Variants in FIP1L1 observed in about 807,000 individuals in gnomAD.
FIP1L1 encodes factor interacting with PAPOLA and CPSF1, also known as pre-mRNA 3'-end-processing factor FIP1.
Under a neutral mutation model 84.6 loss-of-function variants are expected in FIP1L1, and 21 were observed. That is an observed-to-expected ratio of 0.25 (90% confidence interval 0.18 to 0.36). The LOEUF (loss-of-function observed/expected upper bound fraction) is 0.36. FIP1L1 is among the 10% of genes least tolerant of loss of function. The pLI, the probability that FIP1L1 is intolerant of heterozygous loss-of-function variation, is 1.00. For synonymous variants in FIP1L1, 263 were observed against 242.3 expected (o/e 1.09, Z -0.80); for missense variants, 526 against 751.1 (o/e 0.70, Z 3.50).
chr4:53,412,379 A>T (rs1443720970), intron 10 of FIP1L1, among the ~76,000 whole-genome samples: 12 of 152,110 alleles, frequency 7.9e-5, no homozygotes, highest in Non-Finnish European at 1.8e-4. Flanking sequence ...AATATCCTTT[A>T]TGGCAATGTT....
At chr4:53,438,419 A>G (rs1770433912) in intron 13 of FIP1L1, among the ~76,000 whole-genome samples, 1 of 152,246 alleles carries the variant, frequency 6.6e-6, no homozygotes, top group African/African-American at 2.4e-5. Flanking sequence ...GTTTGAAAAT[A>G]CATTCAGTAA....
Position 53,404,898 on chromosome 4 carries a change from C to G in FIP1L1, c.815+5059C>G, listed in dbSNP as rs1752408284. On this transcript the variant is annotated intron_variant, in intron 10 of 17. Coordinates refer to ENST00000337488, the MANE Select transcript of FIP1L1 (RefSeq NM_030917.4). ...AATTTGTTTGAGTTCATTGTAGATT[C>G]TGGATATTAGCCCTTTGTCAGATGA... Among the ~76,000 whole-genome samples the G allele has an allele frequency of 4.6e-5, 7 of 151,098 alleles. 1 individual carries two copies. The South Asian group carries it at 1.5e-3, about 31-fold the overall frequency.
At chr4:53,386,878 C>T (rs1482417961) in intron 5 of FIP1L1, among the ~76,000 whole-genome samples, 1 of 152,126 alleles carries the variant, frequency 6.6e-6, no homozygotes, top group East Asian at 1.9e-4. Flanking sequence ...TTTTTAGTTT[C>T]TGTCTCCAGT....
At chr4:53,395,377 C>T (rs1018449642) in intron 9 of FIP1L1, among the ~76,000 whole-genome samples, 28 of 152,294 alleles carry the variant, frequency 1.8e-4, no homozygotes, top group African/African-American at 6.7e-4. Context: ...CTCTCTTTCT[C>T]TTTTAATGTC....
chr4:53,456,354 A>C (rs763656311), intron 16 of FIP1L1, among the ~76,000 whole-genome samples: 1 of 152,132 alleles, frequency 6.6e-6, no homozygotes, highest in Non-Finnish European at 1.5e-5. Flanking sequence ...TTAATGTTTA[A>C]ACCACATTTG....
chr4:53,386,257 T>C (rs1471908845), intron 5 of FIP1L1, among the ~76,000 whole-genome samples: 1 of 152,212 alleles, frequency 6.6e-6, no homozygotes, highest in Non-Finnish European at 1.5e-5. Context: ...TGTGCCTTTA[T>C]CAAACCATCT....
chr4:53,394,174 C>CA (rs1491272988), intron 9 of FIP1L1, among the ~76,000 whole-genome samples: 6 of 152,134 alleles, frequency 3.9e-5, no homozygotes, highest in African/African-American at 1.2e-4. Context: ...CCTCCTCTCT[C>CA]AAAGGATATT....
chr4:53,390,000 G>A (rs9994692), intron 6 of FIP1L1, 127 bp downstream of exon 6: 85,461 of 646,574 alleles, frequency 0.13, 6,116 homozygotes, highest in Non-Finnish European at 0.15. Flanking sequence ...GTACAGTGGC[G>A]CAATCTTAGT....
intron 11 of FIP1L1, among the ~76,000 whole-genome samples, chr4:53,423,627 G>GTA (rs1490142348): frequency 5.3e-5 from 8 of 152,136 alleles, no homozygotes; most frequent in Non-Finnish European, 1.2e-4. Flanking sequence ...GAACAAAACG[G>GTA]TAAGCTTAAT....
intron 16 of FIP1L1, among the ~76,000 whole-genome samples, chr4:53,456,010 T>G (rs571145960): frequency 1.3e-5 from 2 of 152,244 alleles, no homozygotes; most frequent in Non-Finnish European, 2.9e-5. Context: ...TTTAGCCAAT[T>G]GGAAATGTGC....
Position 53,431,109 on chromosome 4 carries a change from TAAC to T in FIP1L1, c.1174+2927_1174+2929del, listed in dbSNP as rs1766455402. Among the ~76,000 whole-genome samples, 3 of 152,336 alleles carry T rather than the reference TAAC, an allele frequency of 2.0e-5. No homozygotes were observed. The East Asian group carries it at 5.8e-4, about 29-fold the overall frequency. ...TCCCTAATGTGTTTGCTAATTGAGT[TAAC>T]GACATATTTATGTATCCATAACACC... On this transcript the variant is annotated intron_variant, in intron 13 of 17. Coordinates refer to ENST00000337488, the MANE Select transcript of FIP1L1 (RefSeq NM_030917.4).
chr4:53,456,725 T>C (rs1450118480), intron 16 of FIP1L1, among the ~76,000 whole-genome samples: 1 of 152,088 alleles, frequency 6.6e-6, no homozygotes, highest in Non-Finnish European at 1.5e-5. Context: ...AGAGAAACCT[T>C]TGTGGTTCAG....
intron 15 of FIP1L1, among the ~76,000 whole-genome samples, chr4:53,452,414 G>T (rs1716626440): frequency 6.6e-6 from 1 of 151,986 alleles, no homozygotes; most frequent in Non-Finnish European, 1.5e-5. Context: ...CGCCTCCCGG[G>T]TTCAAGTGAT....
At chr4:53,457,677 C>A (rs1300201098) in intron 16 of FIP1L1, among the ~76,000 whole-genome samples, 1 of 151,988 alleles carries the variant, frequency 6.6e-6, no homozygotes, top group Non-Finnish European at 1.5e-5. Context: ...TTAAACACTT[C>A]TAGAAATCAA....
intron 10 of FIP1L1, among the ~76,000 whole-genome samples, chr4:53,405,367 T>C (rs902134625): frequency 2.6e-5 from 4 of 152,200 alleles, no homozygotes; most frequent in African/African-American, 9.7e-5. Flanking sequence ...CAATGGTCTA[T>C]ATCTCTGTTT....
At chr4:53,418,637 AT>A (rs1426257803) in intron 11 of FIP1L1, among the ~76,000 whole-genome samples, 2 of 152,076 alleles carry the variant, frequency 1.3e-5, no homozygotes, top group Non-Finnish European at 1.5e-5. Flanking sequence ...TTTTGTTTCC[AT>A]TTTATGTTAC....
intron 10 of FIP1L1, among the ~76,000 whole-genome samples, chr4:53,402,929 G>A (rs10001201): frequency 0.56 from 84,383 of 151,962 alleles, 25,277 homozygotes; most frequent in Non-Finnish European, 0.67. Context: ...ATGGGTAGGT[G>A]GATAATGGAA....
At chr4:53,383,578 C>T (rs1739241242) in intron 4 of FIP1L1, among the ~76,000 whole-genome samples, 195 bp from the exon 5 acceptor site, 1 of 151,962 alleles carries the variant, frequency 6.6e-6, no homozygotes, top group African/African-American at 2.4e-5. Flanking sequence ...CGGAGAATTG[C>T]TTGAACCTGG....
chr4:53,406,600 G>T (rs895785762), intron 10 of FIP1L1, among the ~76,000 whole-genome samples: 2 of 152,112 alleles, frequency 1.3e-5, no homozygotes, highest in African/African-American at 4.8e-5. Flanking sequence ...GTTCCTCCTT[G>T]TACCTCTGGT....
Sources: gnomAD v4.1 joint callset for allele counts (sites outside exome capture counted in the v4.1 genomes callset) on GRCh38, gnomAD v4.1.1 for gene constraint, MANE v1.5 for transcripts, NCBI Gene and HGNC (gene_info 2026-07-23, HGNC 2026-07-21) for gene names.